Variants in ZNRF3 observed in about 807,000 individuals in gnomAD.
ZNRF3 encodes the protein zinc and ring finger 3.
ZNRF3 carries 23 observed loss-of-function variants against 72.5 expected under a neutral mutation model. The observed-to-expected ratio is 0.32, with a 90% CI of 0.23 to 0.45. The LOEUF is 0.45. Ranked by LOEUF, ZNRF3 falls within the 20% of genes least tolerant of loss-of-function variation. The probability of loss-of-function intolerance (pLI) is 1.00; values close to 1 mark genes in which losing one functional copy is unlikely to be tolerated. For missense variants in ZNRF3, 1,169 were observed against 1,272.1 expected, an observed-to-expected ratio of 0.92 and a Z score of 1.23; for synonymous variants, 610 against 545.3, an observed-to-expected ratio of 1.12 and a Z score of -1.65.
chr22:28,951,501 G>A (rs1000010206), intron 1 of ZNRF3, among the ~76,000 whole-genome samples: 3 of 152,184 alleles, frequency 2.0e-5, no homozygotes, highest in Non-Finnish European at 2.9e-5. Context: ...CCAGAAGCTA[G>A]GGGAGAGGTG....
Position 28,962,526 on chromosome 22 carries a change from C to T in ZNRF3, c.301-24550C>T, listed in dbSNP as rs1009439465. Among the ~76,000 whole-genome samples, 4 of 152,312 alleles carry T rather than the reference C, an allele frequency of 2.6e-5. No homozygotes were observed. In the Middle Eastern group the frequency reaches 0.014, roughly 518 times the overall value. ...TGATTCTAGCTATTATACTGACTCT[C>T]GTAGAGGTGCTACAGGCAGGCCATG... On this transcript the variant is annotated intron_variant, in intron 1 of 8. Coordinates refer to ENST00000544604, the MANE Select transcript of ZNRF3 (RefSeq NM_001206998.2).
intron 1 of ZNRF3, among the ~76,000 whole-genome samples, chr22:28,895,635 C>G (rs146973001): frequency 6.6e-6 from 1 of 152,138 alleles, no homozygotes; most frequent in South Asian, 2.1e-4. Context: ...CCACTGCACT[C>G]CAGCCTGGGC....
At position 28,939,236 on chromosome 22, in the gene ZNRF3, A is replaced by G. The variant is rs1205308339; in HGVS notation, c.301-47840A>G. ...GAGGCGGAGGTAGCAGTGAGCCAAG[A>G]TTGTGCCACTGCACTCCAGCCTGGG... On this transcript the variant is annotated intron_variant, in intron 1 of 8. Coordinates refer to ENST00000544604, the MANE Select transcript of ZNRF3 (RefSeq NM_001206998.2). Among the ~76,000 whole-genome samples, 9 of 144,860 alleles carry G rather than the reference A, an allele frequency of 6.2e-5. No individual in the cohort carries two copies. In the East Asian group the frequency reaches 2.0e-3, roughly 32 times the overall value.
chr22:28,956,267 G>A (rs768696496), intron 1 of ZNRF3, among the ~76,000 whole-genome samples: 1 of 152,010 alleles, frequency 6.6e-6, no homozygotes, highest in Non-Finnish European at 1.5e-5. Flanking sequence ...AGGTAGAGAG[G>A]GTGATGGATA....
At chr22:28,983,210 G>T (rs902240473) in intron 1 of ZNRF3, among the ~76,000 whole-genome samples, 7 of 152,174 alleles carry the variant, frequency 4.6e-5, no homozygotes, top group African/African-American at 1.7e-4. Context: ...ACCCATCCCA[G>T]TGTCAGGAAG....
chr22:28,972,284 C>T (rs1054660641), intron 1 of ZNRF3, among the ~76,000 whole-genome samples: 1 of 152,212 alleles, frequency 6.6e-6, no homozygotes, highest in African/African-American at 2.4e-5. Context: ...TCTTCCCATT[C>T]TTCTACCTCC....
intron 1 of ZNRF3, among the ~76,000 whole-genome samples, chr22:28,887,699 G>A (rs2033817168): frequency 6.6e-6 from 1 of 152,148 alleles, no homozygotes; most frequent in East Asian, 1.9e-4. Flanking sequence ...TTGAATGCTG[G>A]AGAAATTAAT....
chr22:28,986,958 C>T, intron 1 of ZNRF3, 118 bp from the exon 2 acceptor site: 2 of 1,396,046 alleles, frequency 1.4e-6, no homozygotes, highest in East Asian at 4.8e-5. Context: ...ACTGTCCCCA[C>T]TCTTAAAATT....
intron 2 of ZNRF3, among the ~76,000 whole-genome samples, chr22:29,020,551 G>A (rs1308493562): frequency 4.0e-5 from 6 of 151,692 alleles, no homozygotes; most frequent in Non-Finnish European, 8.8e-5. Flanking sequence ...GTGAGCCACC[G>A]TGCCTGGCCG....
At chr22:28,900,833 T>G (rs756831358) in intron 1 of ZNRF3, among the ~76,000 whole-genome samples, 3 of 152,138 alleles carry the variant, frequency 2.0e-5, no homozygotes, top group Non-Finnish European at 4.4e-5. Flanking sequence ...TTCAGCTGGG[T>G]GCGGTGGCTT....
chr22:29,005,884 A>T (rs1327993327), intron 2 of ZNRF3, among the ~76,000 whole-genome samples: 3 of 152,012 alleles, frequency 2.0e-5, no homozygotes, highest in Non-Finnish European at 4.4e-5. Flanking sequence ...AACAATACAA[A>T]ATTAGCTGGG....
intron 2 of ZNRF3, among the ~76,000 whole-genome samples, chr22:28,995,236 A>G (rs1474745697): frequency 1.3e-5 from 2 of 152,078 alleles, no homozygotes; most frequent in African/African-American, 2.4e-5. Context: ...GAGCCAGACC[A>G]TCCTGGCTAA....
intron 2 of ZNRF3, among the ~76,000 whole-genome samples, chr22:29,009,337 G>A (rs1328053683): frequency 5.3e-5 from 8 of 152,254 alleles, no homozygotes; most frequent in Middle Eastern, 3.4e-3. Context: ...TTGACTGGGC[G>A]TGATGGTTTT....
At chr22:28,917,268 A>AACACACACACACACACACACAC (rs10533572) in intron 1 of ZNRF3, 7 of 169,928 alleles carry the variant, frequency 4.1e-5, no homozygotes, top group African/African-American at 1.7e-4. Context: ...TTGGGGATAA[A>AACACACACACACACACACACAC]ACACACACAC....
chr22:28,884,018 C>T lies in ZNRF3; in HGVS notation c.252C>T (p.Arg84=). ...YTTYTTGLTG[R]FSRAGATLSA... is the part of the protein sequence containing the mutation. ...CCTACACCACCGGCCTCACGGGCCG[C>T]TTCTCGCGGGCCGGGGCCACGCTCA... The change falls in exon 1 of 9, where the codon CGC becomes CGT. Residue 84 remains arginine, a synonymous_variant. Transcript: ENST00000544604. The T allele has an allele frequency of 1.5e-6, 2 of 1,309,368 alleles. No homozygotes were observed. Among genetic ancestry groups the T allele is most frequent in the South Asian group, 1.3e-5 (1 of 74,102 alleles). The allele number at this position is 1,309,368 out of a possible 1,614,324, so 81.1% of individuals were successfully genotyped here.
intron 1 of ZNRF3, among the ~76,000 whole-genome samples, chr22:28,937,196 TATATATATATATATATA>T (rs1403417844): frequency 3.5e-3 from 11 of 3,140 alleles, no homozygotes; most frequent in Admixed American, 6.8e-3. Flanking sequence ...TATATATATA[TATATATATATATATATA>T]TATTTTTTTT....
chr22:28,929,348 TTTTG>T (rs1456043326), intron 1 of ZNRF3, among the ~76,000 whole-genome samples: 2 of 152,242 alleles, frequency 1.3e-5, no homozygotes, highest in Non-Finnish European at 2.9e-5. Flanking sequence ...TGGATAATTT[TTTTG>T]TTGTGGCTCC....
chr22:28,908,926 CT>C (rs2034264318), intron 1 of ZNRF3, among the ~76,000 whole-genome samples: 1 of 152,112 alleles, frequency 6.6e-6, no homozygotes, highest in African/African-American at 2.4e-5. Flanking sequence ...GAGATGGGGT[CT>C]TGCTCTGTTG....
At chr22:28,918,701 G>A (rs1330710555) in intron 1 of ZNRF3, among the ~76,000 whole-genome samples, 2 of 152,126 alleles carry the variant, frequency 1.3e-5, no homozygotes. Flanking sequence ...TCTGAGTCAG[G>A]GTGGTATCCT....
Sources: allele counts gnomAD v4.1 joint callset (sites outside exome capture counted in the v4.1 genomes callset), GRCh38; gene constraint gnomAD v4.1.1; transcripts MANE v1.5; gene names NCBI Gene and HGNC (gene_info 2026-07-23, HGNC 2026-07-21).